The following SPIDR variants were observed in gnomAD, a reference collection of about 807,000 sequenced individuals.
SPIDR encodes DNA repair-scaffolding protein.
A neutral mutation model predicts 104.6 loss-of-function variants in SPIDR; 93 were observed. The observed-to-expected ratio is 0.89, with a 90% CI of 0.75 to 1.06. SPIDR has a LOEUF of 1.06. SPIDR is among the 50% of genes least tolerant of loss of function. The pLI is 0.00. For missense variants in SPIDR, 1,154 were observed against 1,111.2 expected (o/e 1.04, Z -0.55); for synonymous variants, 431 against 416.9 (o/e 1.03, Z -0.41).
intron 10 of SPIDR, among the ~76,000 whole-genome samples, chr8:47,661,725 C>G (rs2074139457): frequency 6.6e-6 from 1 of 152,224 alleles, no homozygotes; most frequent in South Asian, 2.1e-4. Context: ...GCTGCAGTTG[C>G]AGCCTTCTCT....
At chr8:47,729,857 T>C (rs960137513) in intron 19 of SPIDR, among the ~76,000 whole-genome samples, 3 of 152,218 alleles carry the variant, frequency 2.0e-5, no homozygotes, top group African/African-American at 7.2e-5. Context: ...TAGCTGAGAC[T>C]ACAGGCATGA....
At chr8:47,279,417 T>C (rs1326875511) in intron 1 of SPIDR, 2 of 155,742 alleles carry the variant, frequency 1.3e-5, no homozygotes, top group Admixed American at 1.3e-4. Flanking sequence ...GCTGCTCTCA[T>C]CTCTTCACAT....
At chr8:47,484,396 G>A (rs1219985005) in intron 8 of SPIDR, among the ~76,000 whole-genome samples, 3 of 152,234 alleles carry the variant, frequency 2.0e-5, no homozygotes, top group African/African-American at 7.2e-5. Flanking sequence ...CACCTAGGGT[G>A]GGCTCAGCTG....
intron 5 of SPIDR, among the ~76,000 whole-genome samples, chr8:47,347,958 A>G (rs1477054839): frequency 1.3e-5 from 2 of 152,032 alleles, no homozygotes; most frequent in Non-Finnish European, 2.9e-5. Flanking sequence ...TTTAAATTTA[A>G]TATTGTTAGG....
intron 8 of SPIDR, among the ~76,000 whole-genome samples, chr8:47,504,933 G>T (rs1298465973): frequency 1.3e-5 from 2 of 152,220 alleles, no homozygotes; most frequent in Admixed American, 1.3e-4. Context: ...AGCAGCAGAC[G>T]CTGCAGAGTG....
chr8:47,484,338 C>T (rs1376954173), intron 8 of SPIDR, among the ~76,000 whole-genome samples: 12 of 152,370 alleles, frequency 7.9e-5, no homozygotes, highest in Admixed American at 4.6e-4. Context: ...CACTGCTCTT[C>T]GCATCTGCTG....
At chr8:47,630,261 C>G (rs979467607) in intron 10 of SPIDR, among the ~76,000 whole-genome samples, 1 of 152,024 alleles carries the variant, frequency 6.6e-6, no homozygotes, top group African/African-American at 2.4e-5. Flanking sequence ...AATAGAAGAG[C>G]CTCAGAAGGA....
At chr8:47,512,776 G>T (rs747061204) in intron 8 of SPIDR, among the ~76,000 whole-genome samples, 5 of 152,280 alleles carry the variant, frequency 3.3e-5, no homozygotes, top group African/African-American at 4.8e-5. Context: ...GTATTGCGGG[G>T]GAGGCACTTT....
rs532405550 is a variant in SPIDR at position 47,615,462 on chromosome 8, C to T, written c.1544+16266C>T. 1.5e-4 allele frequency among the ~76,000 whole-genome samples: 20 copies of T among 134,172 alleles called. No homozygotes were observed. The South Asian group carries it at 3.6e-3, about 24-fold the overall frequency. 88.0% of individuals were successfully genotyped at this position (134,172 alleles called of 152,430 possible). On this transcript the variant is annotated intron_variant, in intron 10 of 19. Transcript: ENST00000297423. ...CTTAGGATTGACATTTCTATTTCTG[C>T]GAAAATAGCCTTTTTTTTTTTTTTT...
At chr8:47,437,881 A>G (rs1204097496) in intron 7 of SPIDR, among the ~76,000 whole-genome samples, 2 of 152,220 alleles carry the variant, frequency 1.3e-5, no homozygotes, top group Non-Finnish European at 2.9e-5. Flanking sequence ...CAGCCATCCC[A>G]TTACTGGATG....
intron 11 of SPIDR, among the ~76,000 whole-genome samples, chr8:47,685,233 A>G (rs893338790): frequency 1.3e-5 from 2 of 152,152 alleles, no homozygotes; most frequent in Non-Finnish European, 2.9e-5. Context: ...AACAAACAAA[A>G]AACAAATGGA....
At chr8:47,509,910 A>G (rs1349801455) in intron 8 of SPIDR, among the ~76,000 whole-genome samples, 1 of 152,008 alleles carries the variant, frequency 6.6e-6, no homozygotes, top group Non-Finnish European at 1.5e-5. Flanking sequence ...TGCACATACC[A>G]CACACATGCA....
At chr8:47,472,452 A>G (rs2075833361) in intron 8 of SPIDR, among the ~76,000 whole-genome samples, 1 of 152,244 alleles carries the variant, frequency 6.6e-6, no homozygotes, top group South Asian at 2.1e-4. Context: ...TTAAGGGGCC[A>G]GTGGGTCACA....
chr8:47,584,283 TG>T (rs1202481993), intron 8 of SPIDR, among the ~76,000 whole-genome samples: 12 of 152,246 alleles, frequency 7.9e-5, no homozygotes, highest in Non-Finnish European at 1.8e-4. Context: ...TAGTTATCTT[TG>T]GGGGATAAAG....
chr8:47,450,224 A>G (rs1554705000), intron 8 of SPIDR, among the ~76,000 whole-genome samples: 1 of 152,198 alleles, frequency 6.6e-6, no homozygotes, highest in African/African-American at 2.4e-5. Flanking sequence ...CCAAGAGCAT[A>G]GCACCACTAT....
At chr8:47,291,837 A>C (rs1416075171) in intron 4 of SPIDR, among the ~76,000 whole-genome samples, 1 of 152,178 alleles carries the variant, frequency 6.6e-6, no homozygotes, top group African/African-American at 2.4e-5. Flanking sequence ...CGTACTGACA[A>C]ATTTCTATTC....
intron 10 of SPIDR, among the ~76,000 whole-genome samples, chr8:47,669,274 C>T (rs531526283): frequency 6.6e-6 from 1 of 152,186 alleles, no homozygotes. Flanking sequence ...TAGGAGATAG[C>T]GTTTCACTGG....
chr8:47,704,937 AGT>A (rs1318911506), intron 14 of SPIDR, among the ~76,000 whole-genome samples: 4 of 152,198 alleles, frequency 2.6e-5, no homozygotes, highest in Admixed American at 6.5e-5. Context: ...GAGAGGGGTC[AGT>A]GTGTGTAGGG....
rs1400364882 is a variant in SPIDR at position 47,538,960 on chromosome 8, A to C, written c.1098-56851A>C. On this transcript the variant is annotated intron_variant, in intron 8 of 19. Coordinates refer to ENST00000297423, the MANE Select transcript of SPIDR (RefSeq NM_001080394.4). ...ACTGCAACCTCCGCTTCCCAGGTTCAAGTGATTCTCCTGCCCCAGCCTCCC... is the reference window on the plus strand; with the variant it reads ...ACTGCAACCTCCGCTTCCCAGGTTCCAGTGATTCTCCTGCCCCAGCCTCCC... 4.1e-5 allele frequency among the ~76,000 whole-genome samples: 6 copies of C among 147,928 alleles called. No homozygotes were observed. The East Asian group carries it at 1.0e-3, about 25-fold the overall frequency.
Sources: gnomAD v4.1 joint callset for allele counts (sites outside exome capture counted in the v4.1 genomes callset) on GRCh38, gnomAD v4.1.1 for gene constraint, MANE v1.5 for transcripts, NCBI Gene and HGNC (gene_info 2026-07-23, HGNC 2026-07-21) for gene names.